Variants in VIPR1 observed in about 807,000 individuals in gnomAD.
VIPR1 encodes the protein vasoactive intestinal peptide receptor 1, also known as vasoactive intestinal polypeptide receptor 1.
In VIPR1, 59 loss-of-function variants were observed where a neutral mutation model predicts 58.8. The observed-to-expected ratio is 1.00, with a 90% CI of 0.81 to 1.25. The LOEUF (loss-of-function observed/expected upper bound fraction) is 1.25, where lower values mean the gene tolerates loss of function less well. Ranked by LOEUF, VIPR1 falls within the 50% of genes most tolerant of loss-of-function variation. The probability of loss-of-function intolerance (pLI) is 0.00; values close to 1 mark genes in which losing one functional copy is unlikely to be tolerated. For synonymous variants in VIPR1, 251 were observed against 242.1 expected (o/e 1.04, Z -0.34); for missense variants, 626 against 602.7 (o/e 1.04, Z -0.40).
At chr3:42,532,469 C>A in intron 10 of VIPR1, 136 bp downstream of exon 10, 1 of 926,816 alleles carries the variant, frequency 1.1e-6, no homozygotes, top group Non-Finnish European at 1.7e-6. Context: ...CCACCTCCAC[C>A]ATGGCCTGGC....
intron 10 of VIPR1, 69 bp from the exon 11 acceptor site, chr3:42,534,906 A>AT: frequency 6.3e-7 from 1 of 1,577,730 alleles, no homozygotes; most frequent in Non-Finnish European, 8.6e-7. Flanking sequence ...AGCTGCCCCC[A>AT]TGCCACACCC....
chr3:42,502,828 G>A lies in VIPR1; in HGVS notation c.78+15G>A. 8.0e-7 allele frequency: 1 copy of A among 1,253,374 alleles called. No homozygotes were observed. The highest frequency in any genetic ancestry group is 1.0e-6 in the Non-Finnish European group (1 of 998,944). 77.6% of individuals were successfully genotyped at this position (1,253,374 alleles called of 1,614,324 possible). A position where few individuals can be genotyped will look rare whatever the true frequency, so the allele number is the denominator to read the frequency against. ...TTGGGCCGGCGGTGAGTGTTCGCCC[G>A]GCCGCCCAGAGTCCCGGCAGCCTGG... On this transcript the variant is annotated intron_variant, in intron 1 of 12. Transcript: ENST00000325123.
intron 5 of VIPR1, 157 bp from the exon 6 acceptor site, chr3:42,527,834 G>A: frequency 9.1e-7 from 1 of 1,095,906 alleles, no homozygotes; most frequent in Non-Finnish European, 1.3e-6. Context: ...CTGGGGGTGG[G>A]GCTCGTATTT....
rs1192566677 is a variant in VIPR1, at chr3:42,502,797, GGGCCCTT to G, written c.65_71del (p.Ala22GlyfsTer19). ...TGCGTGCTGGCAGGCGCCCTCGCCT[GGGCCCTT>G]GGGCCGGCGGTGAGTGTTCGCCCGG... On this transcript the variant is annotated frameshift_variant, in exon 1 of 13. Coordinates refer to ENST00000325123, the MANE Select transcript of VIPR1 (RefSeq NM_004624.4). LOFTEE classifies it high-confidence loss of function. 6.3e-6 allele frequency: 8 copies of G among 1,271,476 alleles called. No individual in the cohort carries two copies. Among genetic ancestry groups the G allele is most frequent in the Non-Finnish European group, 6.9e-6 (7 of 1,010,478 alleles). 78.8% of individuals were successfully genotyped at this position (1,271,476 alleles called of 1,614,324 possible). A position where few individuals can be genotyped will look rare whatever the true frequency, so the allele number is the denominator to read the frequency against.
chr3:42,536,364 C>T lies in VIPR1; in HGVS notation c.*83C>T, dbSNP rs896117269. ...CAGACGCCGGGGACAGAGGCCTGCCCGGGCGCGGCCAGCCCCGGCCCTGGG... is the reference window on the plus strand; with the variant it reads ...CAGACGCCGGGGACAGAGGCCTGCCTGGGCGCGGCCAGCCCCGGCCCTGGG... On this transcript the variant is annotated 3_prime_UTR_variant, in exon 13 of 13. Transcript: ENST00000325123. The T allele has an allele frequency of 3.6e-6, 5 of 1,400,144 alleles. No homozygotes were observed. Among genetic ancestry groups the T allele is most frequent in the Non-Finnish European group, 4.7e-6 (5 of 1,073,964 alleles). The allele number at this position is 1,400,144 out of a possible 1,614,324, so 86.7% of individuals were successfully genotyped here. A position where few individuals can be genotyped will look rare whatever the true frequency, so the allele number is the denominator to read the frequency against.
chr3:42,521,967 T>G (rs1288688543), intron 3 of VIPR1, among the ~76,000 whole-genome samples: 1 of 150,384 alleles, frequency 6.6e-6, no homozygotes, highest in Non-Finnish European at 1.5e-5. Context: ...AGGCTGGTCT[T>G]GAACTCCTGA....
chr3:42,509,073 T>C (rs2125638388), intron 1 of VIPR1: 1 of 152,286 alleles, frequency 6.6e-6, no homozygotes, highest in African/African-American at 2.4e-5. Context: ...CATTAACAGT[T>C]GCAGGCTGGA....
chr3:42,501,701 G>T (rs1699874533), upstream of VIPR1, among the ~76,000 whole-genome samples: 1 of 152,222 alleles, frequency 6.6e-6, no homozygotes, highest in Admixed American at 6.5e-5. The surrounding 1 kb of genome is among the most constrained non-coding windows in gnomAD (Gnocchi z 4.8). Flanking sequence ...AAAGGCAGGC[G>T]GCCAGGGTCC....
intron 2 of VIPR1, among the ~76,000 whole-genome samples, chr3:42,517,343 C>T (rs550710204): frequency 2.0e-5 from 3 of 152,278 alleles, no homozygotes; most frequent in South Asian, 2.1e-4. Flanking sequence ...GCCCAGCTGG[C>T]GTTGACTTTG....
intron 1 of VIPR1, among the ~76,000 whole-genome samples, chr3:42,496,214 G>A (rs1315740244): frequency 1.3e-5 from 2 of 151,994 alleles, no homozygotes; most frequent in Admixed American, 6.6e-5. Context: ...TCCAGCCTGG[G>A]GCAAGACTCC....
At chr3:42,499,494 T>C (rs967348940), upstream of VIPR1, among the ~76,000 whole-genome samples, 1 of 152,164 alleles carries the variant, frequency 6.6e-6, no homozygotes, top group Non-Finnish European at 1.5e-5. Flanking sequence ...ACCCATGTGA[T>C]TCTGACATCC....
upstream of VIPR1, chr3:42,501,983 C>T (rs1330954210): frequency 1.3e-5 from 2 of 152,314 alleles, no homozygotes; most frequent in African/African-American, 4.8e-5. The surrounding 1 kb of genome is among the most constrained non-coding windows in gnomAD (Gnocchi z 4.8). Context: ...TGAGCGCGCC[C>T]CACCAGGTCA....
chr3:42,514,745 G>C (rs1406531355), intron 2 of VIPR1, among the ~76,000 whole-genome samples: 1 of 152,118 alleles, frequency 6.6e-6, no homozygotes, highest in East Asian at 1.9e-4. Flanking sequence ...CTCCTCCTCA[G>C]GGGGCTGGGA....
chr3:42,521,680 G>A (rs1439630499), intron 3 of VIPR1: 1 of 152,148 alleles, frequency 6.6e-6, no homozygotes, highest in Non-Finnish European at 1.5e-5. Context: ...CTGAAGGAGG[G>A]AGTTTGGCCA....
In VIPR1 at chr3:42,513,836, C is replaced by T. The variant is rs1389737153; in HGVS notation, c.166C>T (p.Leu56=). Residue 56 remains leucine (L), a synonymous_variant, in exon 2 of 13, where the codon CTG becomes TTG. Transcript: ENST00000325123. Reference sequence around the variant, plus strand: ...CAAGCAGTGCCTGGAGGAGGCCCAGCTGGAGAATGAGACAATAGGTGAGGC... The same window carrying T: ...CAAGCAGTGCCTGGAGGAGGCCCAGTTGGAGAATGAGACAATAGGTGAGGC... ...QHKQCLEEAQ[L]ENETIGCSKM... 6.4e-7 allele frequency: 1 copy of T among 1,551,584 alleles called. No individual in the cohort carries two copies. The highest frequency in any genetic ancestry group is 1.2e-5 in the South Asian group (1 of 84,054).
intron 2 of VIPR1, among the ~76,000 whole-genome samples, chr3:42,514,718 C>G (rs959458472): frequency 7.2e-5 from 11 of 152,062 alleles, no homozygotes; most frequent in Admixed American, 3.9e-4. Context: ...GGGCTGAGCA[C>G]ATGAGGGCCC....
At chr3:42,515,264 A>T (rs1191050926) in intron 2 of VIPR1, among the ~76,000 whole-genome samples, 1 of 152,114 alleles carries the variant, frequency 6.6e-6, no homozygotes, top group Non-Finnish European at 1.5e-5. Context: ...CTGTTCTGTA[A>T]GTGAGTATGT....
chr3:42,523,864 T>C (rs1040601268), intron 3 of VIPR1, among the ~76,000 whole-genome samples: 2 of 151,942 alleles, frequency 1.3e-5, no homozygotes, highest in Non-Finnish European at 2.9e-5. Flanking sequence ...GTCACCCAGG[T>C]GGGAGTGCAG....
intron 3 of VIPR1, among the ~76,000 whole-genome samples, chr3:42,523,826 T>A (rs1048732243): frequency 2.2e-4 from 34 of 152,024 alleles, no homozygotes; most frequent in South Asian, 8.3e-4. Context: ...ATCCTCTTTT[T>A]TTTTTCCCTG....
Sources: gnomAD v4.1 joint callset for allele counts (sites outside exome capture counted in the v4.1 genomes callset) on GRCh38, gnomAD v4.1.1 for gene constraint, Gnocchi (gnomAD v3.1) non-coding constraint, MANE v1.5 for transcripts, NCBI Gene and HGNC (gene_info 2026-07-23, HGNC 2026-07-21) for gene names.